The following MYOF variants were observed in gnomAD, a reference collection of about 807,000 sequenced individuals.
The protein encoded by MYOF is myoferlin.
MYOF carries 244 observed loss-of-function variants against 284.2 expected under a neutral mutation model. That is an observed-to-expected ratio of 0.86 (90% CI 0.77 to 0.95). The LOEUF is 0.95. Among genes scored for constraint, MYOF ranks in the 40% least tolerant of loss-of-function variants. The pLI is 0.00. For synonymous variants in MYOF, 904 were observed against 919.7 expected (o/e 0.98, Z 0.31); for missense variants, 2,496 against 2,560.6 (o/e 0.97, Z 0.54).
intron 1 of MYOF, among the ~76,000 whole-genome samples, chr10:93,480,011 A>G (rs4917800): frequency 0.78 from 118,155 of 152,142 alleles, 46,347 homozygotes; most frequent in South Asian, 0.84. Flanking sequence ...TCAATATAGT[A>G]TTAACTCCAA....
intron 26 of MYOF, among the ~76,000 whole-genome samples, chr10:93,365,007 A>G (rs181304789): frequency 1.3e-5 from 2 of 151,988 alleles, no homozygotes. Context: ...CAATTTCCCT[A>G]CCCTTTCCCT....
rs369504097 is a variant in MYOF, at chr10:93,310,060, A to G, written c.6107T>C (p.Ile2036Thr). The G allele has an allele frequency of 3.2e-5, 51 of 1,614,182 alleles. No homozygotes were observed. The highest frequency in any genetic ancestry group is 2.0e-4 in the South Asian group (18 of 91,074). Residue 2036 changes from isoleucine (I) to threonine (T), a missense_variant, in exon 53 of 54, where the codon ATC becomes ACC. This residue lies in a region of MYOF where 2,436 missense variants were observed against 2,480.7 expected (regional missense o/e 0.98). Transcript: ENST00000359263. ...GAGCACGGCCACGAAGAGCAGCAGG[A>G]TAAGCAGGAACAGCAAGCCGATGAT... is the stretch of plus-strand genomic sequence containing the variant. ...WVIIGLLFLL[I>T]LLLFVAVLLY...
intron 25 of MYOF, among the ~76,000 whole-genome samples, chr10:93,368,206 C>A (rs982186675): frequency 1.3e-5 from 2 of 152,184 alleles, no homozygotes; most frequent in African/African-American, 4.8e-5. Flanking sequence ...TGGACATCAA[C>A]ATCCTCCATT....
chr10:93,365,438 T>C (rs1845283091), intron 26 of MYOF, among the ~76,000 whole-genome samples: 1 of 152,224 alleles, frequency 6.6e-6, no homozygotes, highest in South Asian at 2.1e-4. Context: ...TAATAACAGC[T>C]TTTGAGATAT....
chr10:93,321,990 T>G (rs183613729), intron 48 of MYOF, among the ~76,000 whole-genome samples: 51 of 92,574 alleles, frequency 5.5e-4, no homozygotes, highest in African/African-American at 2.0e-3. Context: ...TTGAGTTTGT[T>G]TCCCTGATTT....
At chr10:93,312,477 CT>C (rs1409640376) in intron 51 of MYOF, among the ~76,000 whole-genome samples, 2 of 152,134 alleles carry the variant, frequency 1.3e-5, no homozygotes, top group Non-Finnish European at 2.9e-5. Context: ...TCCTAAGTGT[CT>C]GGGACTACAG....
At chr10:93,334,362 C>A (rs1843497799) in intron 41 of MYOF, among the ~76,000 whole-genome samples, 1 of 149,566 alleles carries the variant, frequency 6.7e-6, no homozygotes, top group South Asian at 2.1e-4. Context: ...AAAGGTGTCA[C>A]TTCCTCCAGG....
intron 24 of MYOF, among the ~76,000 whole-genome samples, chr10:93,371,574 T>C (rs1375442852): frequency 6.6e-6 from 1 of 152,262 alleles, no homozygotes; most frequent in Non-Finnish European, 1.5e-5. Flanking sequence ...TTATTAACAT[T>C]TTAAATTAAA....
In MYOF at chr10:93,306,896, A is replaced by ACAGAG; in HGVS notation, c.*66_*67insCTCTG. 1 of 1,501,918 alleles carries ACAGAG rather than the reference A, an allele frequency of 6.7e-7. No individual in the cohort carries two copies. Among genetic ancestry groups the ACAGAG allele is most frequent in the Non-Finnish European group, 9.3e-7 (1 of 1,080,346 alleles). 93.0% of individuals were successfully genotyped at this position (1,501,918 alleles called of 1,614,324 possible). ...GGTCTCAGACACAAAATCACACTGG[A>ACAGAG]TGTTGGTCTACAGAGGCAGGATTCT... On this transcript the variant is annotated 3_prime_UTR_variant, in exon 54 of 54. Transcript: ENST00000359263.
At position 93,391,152 on chromosome 10, in the gene MYOF, A is replaced by G. The variant is rs564601361; in HGVS notation, c.1456+1765T>C. On this transcript the variant is annotated intron_variant, in intron 17 of 53. Transcript: ENST00000359263. ...CAAATTGTCAAGAATGATCCACTGC[A>G]TATCAGCTTAATGCCAGGGGCTTAA... 5.3e-5 allele frequency among the ~76,000 whole-genome samples: 8 copies of G among 152,348 alleles called. No homozygotes were observed. In the South Asian group the frequency reaches 1.4e-3, roughly 28 times the overall value.
chr10:93,368,063 GGCT>G (rs58381288), intron 25 of MYOF, among the ~76,000 whole-genome samples: 11,041 of 151,778 alleles, frequency 0.073, 528 homozygotes, highest in African/African-American at 0.14. Context: ...CATTGCTCAG[GGCT>G]GCTTTCTCCA....
chr10:93,425,960 G>T, intron 5 of MYOF, 111 bp downstream of exon 5: 2 of 1,106,482 alleles, frequency 1.8e-6, no homozygotes, highest in East Asian at 2.6e-5. Context: ...GTCTGGGTGG[G>T]CAGGGAGCTA....
chr10:93,365,142 G>A (rs145389339), intron 26 of MYOF, among the ~76,000 whole-genome samples: 74 of 152,300 alleles, frequency 4.9e-4, no homozygotes, highest in Non-Finnish European at 8.1e-4. Context: ...AAGCAAGCAC[G>A]TTTGGGTCTT....
rs377755218 is a variant in MYOF, at chr10:93,431,541, T to C, written c.237-25A>G. 2,425 of 1,589,092 alleles carry C rather than the reference T, an allele frequency of 1.5e-3. 5 individuals carry two copies. The highest frequency in any genetic ancestry group is 2.8e-3 in the South Asian group (251 of 90,330). On this transcript the variant is annotated intron_variant, in intron 3 of 53. Coordinates refer to ENST00000359263, the MANE Select transcript of MYOF (RefSeq NM_013451.4). ...TCTGCAGGGAAAACAGGAAAGCACATAGCAGCCTAAGTAGGAGATAGGCTT... is the reference window on the plus strand; with the variant it reads ...TCTGCAGGGAAAACAGGAAAGCACACAGCAGCCTAAGTAGGAGATAGGCTT...
Position 93,354,001 on chromosome 10 carries a change from T to C in MYOF, c.3404-113A>G, listed in dbSNP as rs540567551. On this transcript the variant is annotated intron_variant, in intron 31 of 53. Transcript: ENST00000359263. ...CTGATAAATGGGTCACTTGAATCTATTATAGTTCCCCACAGTAAAGAGCAC... is the reference window on the plus strand; with the variant it reads ...CTGATAAATGGGTCACTTGAATCTACTATAGTTCCCCACAGTAAAGAGCAC... 1.1e-4 allele frequency: 83 copies of C among 780,192 alleles called. No homozygotes were observed. In the Middle Eastern group the frequency reaches 2.0e-3, roughly 19 times the overall value. The allele number at this position is 780,192 out of a possible 1,614,324, so 48.3% of individuals were successfully genotyped here. A position where few individuals can be genotyped will look rare whatever the true frequency, so the allele number is the denominator to read the frequency against.
At position 93,326,023 on chromosome 10, in the gene MYOF, T is replaced by C. The variant is rs537712368; in HGVS notation, c.5132-58A>G. ...AGTATTTGGGAATAGTTCAGCCAGATTGCCTAGAGCTGCTTCCAGCACTTC... is the reference window on the plus strand; with the variant it reads ...AGTATTTGGGAATAGTTCAGCCAGACTGCCTAGAGCTGCTTCCAGCACTTC... On this transcript the variant is annotated intron_variant, in intron 45 of 53. Transcript: ENST00000359263. The C allele has an allele frequency of 9.5e-5, 153 of 1,608,460 alleles. No individual in the cohort carries two copies. In the Middle Eastern group the frequency reaches 1.0e-3, roughly 11 times the overall value.
intron 3 of MYOF, among the ~76,000 whole-genome samples, chr10:93,443,115 C>A (rs788095): frequency 0.53 from 81,301 of 152,094 alleles, 24,522 homozygotes; most frequent in Non-Finnish European, 0.68. Context: ...AAGCTGAGAT[C>A]GTGCCACTGC....
At chr10:93,428,723 T>C (rs1264435294) in intron 4 of MYOF, among the ~76,000 whole-genome samples, 1 of 152,140 alleles carries the variant, frequency 6.6e-6, no homozygotes, top group Non-Finnish European at 1.5e-5. Context: ...GGATAAGGAA[T>C]ACGACCCTAG....
Position 93,457,002 on chromosome 10 carries a change from C to G in MYOF, c.89-65G>C, listed in dbSNP as rs961401294. The stretch of plus-strand genomic sequence containing the variant: ...AAAAAATTAAAGAGCGTGGGCCATT[C>G]ATTTATTCTAAGAACATTACCCAAG... On this transcript the variant is annotated intron_variant, in intron 1 of 53. Coordinates refer to ENST00000359263, the MANE Select transcript of MYOF (RefSeq NM_013451.4). The G allele has an allele frequency of 4.1e-6, 5 of 1,227,134 alleles. No individual in the cohort carries two copies. In the African/African-American group the frequency reaches 4.5e-5, roughly 11 times the overall value. The allele number at this position is 1,227,134 out of a possible 1,614,324, so 76.0% of individuals were successfully genotyped here.
Sources: gnomAD v4.1 joint callset for allele counts (sites outside exome capture counted in the v4.1 genomes callset) on GRCh38, gnomAD v4.1.1 for gene constraint, gnomAD v4.1.1 regional missense constraint, MANE v1.5 for transcripts, NCBI Gene and HGNC (gene_info 2026-07-23, HGNC 2026-07-21) for gene names.